The following ADCY9 variants were observed in gnomAD, a reference collection of about 807,000 sequenced individuals.
ADCY9 encodes the protein adenylate cyclase type 9.
In ADCY9, 50 loss-of-function variants were observed where a neutral mutation model predicts 101.5. The observed-to-expected ratio is 0.49, with a 90% CI of 0.39 to 0.62. ADCY9 has a LOEUF of 0.62. ADCY9 is among the 20% of genes least tolerant of loss of function. The probability of loss-of-function intolerance (pLI) is 0.00; values close to 1 mark genes in which losing one functional copy is unlikely to be tolerated. For synonymous variants in ADCY9, 905 were observed against 769.3 expected (o/e 1.18, Z -2.92); for missense variants, 1,662 against 1,800.4 (o/e 0.92, Z 1.39).
intron 3 of ADCY9, among the ~76,000 whole-genome samples, chr16:4,006,535 T>C (rs1567434410): frequency 6.6e-6 from 1 of 152,100 alleles, no homozygotes; most frequent in Non-Finnish European, 1.5e-5. Flanking sequence ...GGCAGGGACG[T>C]ATTGGGTGAA....
chr16:4,107,314 G>C (rs941519218), intron 2 of ADCY9, among the ~76,000 whole-genome samples: 1 of 152,140 alleles, frequency 6.6e-6, no homozygotes, highest in African/African-American at 2.4e-5. Context: ...CCTTTGGGAG[G>C]CTGAGGCTGG....
intron 2 of ADCY9, among the ~76,000 whole-genome samples, chr16:4,110,935 C>T (rs1298631118): frequency 2.0e-5 from 3 of 152,228 alleles, no homozygotes; most frequent in Non-Finnish European, 4.4e-5. Flanking sequence ...AACCCCGCCT[C>T]TGGAGTCGAG....
At chr16:4,018,505 G>A (rs898402561) in intron 2 of ADCY9, among the ~76,000 whole-genome samples, 18 of 152,182 alleles carry the variant, frequency 1.2e-4, no homozygotes, top group Admixed American at 1.0e-3. Flanking sequence ...GAGCCACCGC[G>A]CCCGGCTGAT....
In ADCY9 at chr16:4,113,846, C is replaced by T; in HGVS notation, c.1597G>A (p.Glu533Lys). The part of the protein sequence containing the change: ...LGVAGKVHIS[E>K]ATAKYLDDRY... ...TCATCTAAGTATTTTGCGGTGGCCT[C>T]AGAAATGTGAACTTTGCCGGCCACT... is the stretch of plus-strand genomic sequence containing the variant. Residue 533 changes from glutamate to lysine, a missense_variant, in exon 2 of 11, where the codon GAG becomes AAG. Transcript: ENST00000294016. 1.2e-6 allele frequency: 2 copies of T among 1,614,194 alleles called. No homozygotes were observed. The highest frequency in any genetic ancestry group is 1.7e-6 in the Non-Finnish European group (2 of 1,180,036).
intron 7 of ADCY9, among the ~76,000 whole-genome samples, chr16:3,980,945 G>A (rs1489537210): frequency 1.3e-5 from 2 of 152,206 alleles, no homozygotes; most frequent in African/African-American, 4.8e-5. Flanking sequence ...GCCTCCTGGA[G>A]GCAACGGGCG....
intron 10 of ADCY9, among the ~76,000 whole-genome samples, chr16:3,974,023 T>C (rs1031671685): frequency 1.3e-5 from 2 of 152,200 alleles, no homozygotes; most frequent in Non-Finnish European, 2.9e-5. Flanking sequence ...AAACATTTAG[T>C]ATTTTGGATT....
chr16:4,050,145 A>G (rs556893726), intron 2 of ADCY9, among the ~76,000 whole-genome samples: 78 of 152,326 alleles, frequency 5.1e-4, no homozygotes, highest in African/African-American at 1.8e-3. Flanking sequence ...CCTGCATGTC[A>G]GAAGACTGGT....
chr16:4,078,196 C>A (rs2056879963), intron 2 of ADCY9, among the ~76,000 whole-genome samples: 1 of 152,180 alleles, frequency 6.6e-6, no homozygotes, highest in African/African-American at 2.4e-5. Context: ...TTCACAGCAA[C>A]TCTATTCATA....
chr16:3,988,648 G>GGGATAGCC (rs2056217792), intron 6 of ADCY9, among the ~76,000 whole-genome samples: 1 of 133,848 alleles, frequency 7.5e-6, no homozygotes, highest in African/African-American at 2.8e-5. Flanking sequence ...TCCAAGGCAG[G>GGGATAGCC]TGGGGGGGTT....
intron 2 of ADCY9, among the ~76,000 whole-genome samples, chr16:4,082,479 C>T (rs1310040351): frequency 2.0e-5 from 3 of 152,188 alleles, no homozygotes; most frequent in African/African-American, 7.2e-5. Context: ...CCTCCCCGTT[C>T]CCACACACCT....
intron 3 of ADCY9, among the ~76,000 whole-genome samples, chr16:3,997,638 C>G (rs2056297691): frequency 6.6e-6 from 1 of 152,216 alleles, no homozygotes; most frequent in South Asian, 2.1e-4. Flanking sequence ...AGGGCCGGGA[C>G]AGTGCTCACT....
At chr16:3,954,216 G>C (rs1489183612) in intron 5 of ADCY9, among the ~76,000 whole-genome samples, 5 of 152,212 alleles carry the variant, frequency 3.3e-5, no homozygotes, top group African/African-American at 1.2e-4. Flanking sequence ...GAGCTGGCCG[G>C]GGCAGGCTGG....
intron 10 of ADCY9, among the ~76,000 whole-genome samples, chr16:3,968,392 A>G (rs2056018233): frequency 6.6e-6 from 1 of 152,016 alleles, no homozygotes; most frequent in Non-Finnish European, 1.5e-5. Flanking sequence ...TCAGCCTCCC[A>G]AAGTGCTGGG....
At chr16:4,107,225 T>C (rs901072739) in intron 2 of ADCY9, among the ~76,000 whole-genome samples, 3 of 152,132 alleles carry the variant, frequency 2.0e-5, no homozygotes, top group Non-Finnish European at 1.5e-5. Context: ...TGAGAGGCTG[T>C]ATTTCCACGT....
intron 2 of ADCY9, among the ~76,000 whole-genome samples, chr16:4,069,462 G>A (rs1342141899): frequency 6.6e-6 from 1 of 151,774 alleles, no homozygotes; most frequent in Non-Finnish European, 1.5e-5. Flanking sequence ...CAGACACTTG[G>A]TGCCGAGTCT....
At chr16:4,022,105 C>G (rs193110984) in intron 2 of ADCY9, among the ~76,000 whole-genome samples, 3 of 152,244 alleles carry the variant, frequency 2.0e-5, no homozygotes. Context: ...CAGGGTGGCA[C>G]CGGAGCCTCC....
chr16:4,083,510 T>C (rs1033233875), intron 2 of ADCY9, among the ~76,000 whole-genome samples: 1 of 152,160 alleles, frequency 6.6e-6, no homozygotes, highest in African/African-American at 2.4e-5. Flanking sequence ...CCTAGGTACA[T>C]ACCCAAGAGA....
chr16:4,064,489 G>A lies in ADCY9; in HGVS notation c.1693+49261C>T, dbSNP rs180853121. On this transcript the variant is annotated intron_variant, in intron 2 of 10. Transcript: ENST00000294016. ...TAATAAAGTGTTGTTTTTTGTTTTT[G>A]AGAGACAGGGTCTCACTCTGTCACT... Among the ~76,000 whole-genome samples, 223 of 151,742 alleles carry A rather than the reference G, an allele frequency of 1.5e-3. 1 individual carries two copies. Among genetic ancestry groups the A allele is most frequent in the African/African-American group, 5.1e-3 (212 of 41,424 alleles).
chr16:3,992,084 G>T lies in ADCY9; in HGVS notation c.2207+62C>A. On this transcript the variant is annotated intron_variant, in intron 5 of 10. Coordinates refer to ENST00000294016, the MANE Select transcript of ADCY9 (RefSeq NM_001116.4). The surrounding 1 kb of genome is among the most constrained non-coding windows in gnomAD (Gnocchi z 4.2). The stretch of plus-strand genomic sequence containing the variant: ...AGACTCAGTCTTAAAGAAAAGAAAA[G>T]AAAAAGGCAGAGAGGCTTCTGCCTG... The T allele has an allele frequency of 6.5e-7, 1 of 1,540,226 alleles. No homozygotes were observed. Among genetic ancestry groups the T allele is most frequent in the Non-Finnish European group, 8.9e-7 (1 of 1,123,202 alleles).
Sources: gnomAD v4.1 joint callset for allele counts (sites outside exome capture counted in the v4.1 genomes callset) on GRCh38, gnomAD v4.1.1 for gene constraint, Gnocchi (gnomAD v3.1) non-coding constraint, MANE v1.5 for transcripts, NCBI Gene and HGNC (gene_info 2026-07-23, HGNC 2026-07-21) for gene names.